MAP1B: variants seen among roughly 807,000 people sequenced by gnomAD.
MAP1B encodes microtubule-associated protein 1B.
A neutral mutation model predicts 176.1 loss-of-function variants in MAP1B; 12 were observed. The ratio of observed to expected loss-of-function variants is 0.07; its 90% CI spans 0.04 to 0.11. MAP1B has a LOEUF of 0.11. Among genes scored for constraint, MAP1B ranks in the 10% least tolerant of loss-of-function variants. MAP1B has a pLI of 1.00. For missense variants in MAP1B, 2,523 were observed against 2,990.5 expected (o/e 0.84, Z 3.65); for synonymous variants, 1,044 against 1,135.0 (o/e 0.92, Z 1.61).
chr5:72,184,668 C>T (rs1746852202), intron 3 of MAP1B, among the ~76,000 whole-genome samples: 1 of 152,172 alleles, frequency 6.6e-6, no homozygotes, highest in Non-Finnish European at 1.5e-5. Flanking sequence ...ACTCCACTTT[C>T]CACTTCCTTT....
intron 2 of MAP1B, among the ~76,000 whole-genome samples, chr5:72,146,525 G>T (rs529543711): frequency 2.6e-5 from 4 of 152,312 alleles, no homozygotes; most frequent in South Asian, 4.1e-4. Context: ...AGCACTTTCT[G>T]TGTATGCGCC....
chr5:72,145,267 T>G (rs1428990039), intron 2 of MAP1B, among the ~76,000 whole-genome samples: 1 of 152,124 alleles, frequency 6.6e-6, no homozygotes, highest in Non-Finnish European at 1.5e-5. Flanking sequence ...GGCTTCAACC[T>G]TTTTATTTCT....
At position 72,197,708 on chromosome 5, in the gene MAP1B, T is replaced by C. The variant is rs1747218708; in HGVS notation, c.4353T>C (p.Thr1451=). Residue 1451 remains threonine (T), a synonymous_variant, in exon 5 of 7, where the codon ACT becomes ACC. Transcript: ENST00000296755. ...QVSPVSEMTS[T]SLYQDKQEGK... ...GTCCAGTTTCTGAAATGACTTCTAC[T>C]AGTCTTTACCAAGACAAACAGGAAG... is the stretch of plus-strand genomic sequence containing the variant. The C allele has an allele frequency of 6.2e-7, 1 of 1,614,116 alleles. No homozygotes were observed. The highest frequency in any genetic ancestry group is 8.5e-7 in the Non-Finnish European group (1 of 1,180,036).
At chr5:72,129,547 A>G (rs112516951) in intron 2 of MAP1B, among the ~76,000 whole-genome samples, 30,784 of 150,648 alleles carry the variant, frequency 0.2, 3,890 homozygotes, top group Middle Eastern at 0.31. Flanking sequence ...ACAGAGTGAG[A>G]CTCCGTCCTA....
In MAP1B at chr5:72,205,078, C is replaced by A. The variant is rs369811837; in HGVS notation, c.7252-6C>A. 9.4e-6 allele frequency: 15 copies of A among 1,593,448 alleles called. No individual in the cohort carries two copies. Among genetic ancestry groups the A allele is most frequent in the Non-Finnish European group, 1.2e-5 (14 of 1,173,926 alleles). ...AAATAGCTATTTTTTTTTTCTCTCC[C>A]TGCAGGTGACACTGATCCCAACTCA... On this transcript the variant is annotated splice_region_variant and splice_polypyrimidine_tract_variant and intron_variant, in intron 6 of 6. Transcript: ENST00000296755.
chr5:72,173,979 A>C (rs1746598308), intron 2 of MAP1B, among the ~76,000 whole-genome samples: 1 of 152,186 alleles, frequency 6.6e-6, no homozygotes. Flanking sequence ...AGTACAAAAA[A>C]ATTAGCCAGC....
intron 4 of MAP1B, 115 bp from the exon 5 acceptor site, chr5:72,193,751 C>A: frequency 8.7e-7 from 1 of 1,151,944 alleles, no homozygotes; most frequent in Non-Finnish European, 1.2e-6. Context: ...ATGTCTGAAA[C>A]TGGTCCTATG....
At chr5:72,140,378 A>T in intron 2 of MAP1B, among the ~76,000 whole-genome samples, 1 of 152,256 alleles carries the variant, frequency 6.6e-6, no homozygotes, top group Admixed American at 6.5e-5. Flanking sequence ...TCTGCAATGC[A>T]TTATGACATT....
chr5:72,205,541 A>G lies in MAP1B; in HGVS notation c.*302A>G. The G allele has an allele frequency of 3.4e-6, 1 of 298,006 alleles. No homozygotes were observed. Among genetic ancestry groups the G allele is most frequent in the Non-Finnish European group, 6.4e-6 (1 of 157,268 alleles). 18.5% of individuals were successfully genotyped at this position (298,006 alleles called of 1,614,324 possible). On this transcript the variant is annotated 3_prime_UTR_variant, in exon 7 of 7. Coordinates refer to ENST00000296755, the MANE Select transcript of MAP1B (RefSeq NM_005909.5). ...AACCCAACTGACTTCTGCTAGGTAG[A>G]GGCATTTGTCTTAGAGAGAGAGAGA...
chr5:72,183,472 G>A (rs577767691), intron 2 of MAP1B, among the ~76,000 whole-genome samples: 27 of 152,358 alleles, frequency 1.8e-4, no homozygotes, highest in Non-Finnish European at 3.4e-4. Context: ...ATTACCGCAA[G>A]GAGGCTGCCT....
At chr5:72,193,236 T>C in intron 4 of MAP1B, 5 of 383,434 alleles carry the variant, frequency 1.3e-5, no homozygotes, top group Non-Finnish European at 1.5e-5. Context: ...TTGTCTCCTA[T>C]GGGGAAAAAC....
chr5:72,129,960 T>G (rs1745699338), intron 2 of MAP1B, among the ~76,000 whole-genome samples: 1 of 152,166 alleles, frequency 6.6e-6, no homozygotes, highest in Admixed American at 6.5e-5. Flanking sequence ...ATAAATGAAA[T>G]AGTTTGGCAA....
rs1747509273 is a variant in MAP1B, at chr5:72,208,829, CTCTT to C, written c.*3592_*3595del. 4 of 152,106 alleles carry C rather than the reference CTCTT, an allele frequency of 2.6e-5. No homozygotes were observed. The highest frequency in any genetic ancestry group is 2.6e-4 in the Admixed American group (4 of 15,284). 9.4% of individuals were successfully genotyped at this position (152,106 alleles called of 1,614,324 possible). A position where few individuals can be genotyped will look rare whatever the true frequency, so the allele number is the denominator to read the frequency against. Reference sequence around the variant, plus strand: ...AATTCTGAATTTGCTTTTCTTGCCTCTCTTTAGTCACCTGTCACAGGAGGTTCCT... The same window carrying C: ...AATTCTGAATTTGCTTTTCTTGCCTCTAGTCACCTGTCACAGGAGGTTCCT... On this transcript the variant is annotated 3_prime_UTR_variant, in exon 7 of 7. Coordinates refer to ENST00000296755, the MANE Select transcript of MAP1B (RefSeq NM_005909.5).
Position 72,196,811 on chromosome 5 carries a change from G to A in MAP1B, c.3456G>A (p.Thr1152=), listed in dbSNP as rs145061898. 97 of 1,613,786 alleles carry A rather than the reference G, an allele frequency of 6.0e-5. No individual in the cohort carries two copies. Among genetic ancestry groups the A allele is most frequent in the Admixed American group, 1.2e-4 (7 of 59,988 alleles). Residue 1152 remains threonine (T), a synonymous_variant, in exon 5 of 7, where the codon ACG becomes ACA. Transcript: ENST00000296755. The surrounding 1 kb of genome is among the most constrained non-coding windows in gnomAD (Gnocchi z 5.3). ...VMSDETNNEE[T]ESPSQEFVNI... ...GTGATGAGACCAACAATGAAGAGAC[G>A]GAGTCCCCTTCTCAGGAATTCGTAA...
intron 2 of MAP1B, among the ~76,000 whole-genome samples, chr5:72,154,499 A>C (rs1000741204): frequency 1.3e-5 from 2 of 152,206 alleles, no homozygotes; most frequent in African/African-American, 4.8e-5. Context: ...TGGGCAGGTG[A>C]GAGCCAGAAC....
intron 2 of MAP1B, among the ~76,000 whole-genome samples, chr5:72,129,719 T>C (rs1745695550): frequency 6.6e-6 from 1 of 152,178 alleles, no homozygotes; most frequent in Non-Finnish European, 1.5e-5. Context: ...CTTCTTCTTT[T>C]TCTTATTGTG....
intron 2 of MAP1B, among the ~76,000 whole-genome samples, chr5:72,166,563 C>T (rs1297241828): frequency 1.3e-5 from 2 of 152,188 alleles, no homozygotes; most frequent in Non-Finnish European, 2.9e-5. Flanking sequence ...CCTGATTCTC[C>T]CCCTGGCTCT....
chr5:72,118,838 T>C (rs1441018400), intron 2 of MAP1B, among the ~76,000 whole-genome samples: 1 of 152,232 alleles, frequency 6.6e-6, no homozygotes, highest in African/African-American at 2.4e-5. Flanking sequence ...AAGTCACCCA[T>C]ATATCTGTCT....
Position 72,172,233 on chromosome 5 carries a change from C to A in MAP1B, c.287-11510C>A, listed in dbSNP as rs574268592. 9.9e-5 allele frequency among the ~76,000 whole-genome samples: 15 copies of A among 152,254 alleles called. No individual in the cohort carries two copies. The South Asian group carries it at 3.1e-3, about 32-fold the overall frequency. Reference sequence around the variant, plus strand: ...TGACCTTAAGAAGTCCCTTCCTGGCCAATCACCAAGCTGGTTGCTGTGGCC... The same window carrying A: ...TGACCTTAAGAAGTCCCTTCCTGGCAAATCACCAAGCTGGTTGCTGTGGCC... On this transcript the variant is annotated intron_variant, in intron 2 of 6. Transcript: ENST00000296755.
Sources: allele counts gnomAD v4.1 joint callset (sites outside exome capture counted in the v4.1 genomes callset), GRCh38; gene constraint gnomAD v4.1.1; non-coding constraint Gnocchi (gnomAD v3.1); transcripts MANE v1.5; gene names NCBI Gene and HGNC (gene_info 2026-07-23, HGNC 2026-07-21).